ZC3H13: variants seen among roughly 807,000 people sequenced by gnomAD.
The protein encoded by ZC3H13 is zinc finger CCCH-type containing 13.
ZC3H13 carries 64 observed loss-of-function variants against 204.1 expected under a neutral mutation model. That is an observed-to-expected ratio of 0.31 (90% CI 0.26 to 0.39). The LOEUF (loss-of-function observed/expected upper bound fraction) is 0.39, where lower values mean the gene tolerates loss of function less well. Among genes scored for constraint, ZC3H13 ranks in the 10% least tolerant of loss-of-function variants. The pLI, the probability that ZC3H13 is intolerant of heterozygous loss-of-function variation, is 1.00. For synonymous variants in ZC3H13, 667 were observed against 693.7 expected (o/e 0.96, Z 0.60); for missense variants, 1,833 against 2,082.7 (o/e 0.88, Z 2.33).
intron 1 of ZC3H13, 74 bp from the exon 2 acceptor site, chr13:46,045,590 T>C (rs1008800850): frequency 4.4e-5 from 43 of 971,894 alleles, no homozygotes; most frequent in South Asian, 3.2e-4. Context: ...AGCTTACAAG[T>C]AGATAAAACT....
At chr13:46,030,072 A>G (rs2042796666) in intron 4 of ZC3H13, among the ~76,000 whole-genome samples, 1 of 152,220 alleles carries the variant, frequency 6.6e-6, no homozygotes, top group South Asian at 2.1e-4. Context: ...GGCTGGTTCA[A>G]TATTCAAAAA....
chr13:45,998,374 G>A (rs933767561), intron 8 of ZC3H13, among the ~76,000 whole-genome samples: 1 of 152,044 alleles, frequency 6.6e-6, no homozygotes, highest in African/African-American at 2.4e-5. Context: ...GGCCGGGCGC[G>A]GTGGCTCACA....
chr13:46,007,940 T>C (rs2041267645), intron 7 of ZC3H13, among the ~76,000 whole-genome samples: 1 of 152,190 alleles, frequency 6.6e-6, no homozygotes, highest in Non-Finnish European at 1.5e-5. Context: ...ATGGACAGAA[T>C]AGGTAATATA....
intron 11 of ZC3H13, among the ~76,000 whole-genome samples, chr13:45,976,449 T>C (rs1953055477): frequency 1.3e-5 from 2 of 152,204 alleles, no homozygotes; most frequent in Admixed American, 6.5e-5. Flanking sequence ...AATCTTGAAA[T>C]AAATGTAAAA....
chr13:46,034,747 A>C (rs1253584162), intron 4 of ZC3H13, among the ~76,000 whole-genome samples: 1 of 152,146 alleles, frequency 6.6e-6, no homozygotes, highest in Admixed American at 6.6e-5. Context: ...TATTTCAATA[A>C]AGTAAATTTA....
intron 4 of ZC3H13, among the ~76,000 whole-genome samples, chr13:46,025,349 C>T (rs2042479302): frequency 6.6e-6 from 1 of 152,176 alleles, no homozygotes; most frequent in African/African-American, 2.4e-5. Flanking sequence ...TTCTATGATC[C>T]AGGCTGAAGA....
intron 9 of ZC3H13, among the ~76,000 whole-genome samples, chr13:45,986,242 T>G (rs1045137392): frequency 1.3e-5 from 2 of 152,240 alleles, no homozygotes; most frequent in African/African-American, 4.8e-5. Context: ...TCTCTTTTCC[T>G]GCACTGTTTA....
At chr13:46,035,548 G>A (rs2043159301) in intron 4 of ZC3H13, among the ~76,000 whole-genome samples, 1 of 152,090 alleles carries the variant, frequency 6.6e-6, no homozygotes, top group South Asian at 2.1e-4. Flanking sequence ...ATTTCCACCA[G>A]GTGGTAGATA....
intron 4 of ZC3H13, among the ~76,000 whole-genome samples, chr13:46,033,388 A>G (rs1413116491): frequency 1.3e-5 from 2 of 152,148 alleles, no homozygotes; most frequent in Non-Finnish European, 2.9e-5. Flanking sequence ...AGTTGAGCTC[A>G]GTATAACACT....
At chr13:46,033,211 G>A (rs553622054) in intron 4 of ZC3H13, among the ~76,000 whole-genome samples, 6 of 152,162 alleles carry the variant, frequency 3.9e-5, no homozygotes, top group African/African-American at 1.4e-4. Flanking sequence ...GTAATTATCT[G>A]ATTATTTCAG....
chr13:46,020,701 A>G (rs1275653129), intron 4 of ZC3H13, 144 bp from the exon 5 acceptor site: 1 of 585,100 alleles, frequency 1.7e-6, no homozygotes, highest in Non-Finnish European at 2.9e-6. Flanking sequence ...TCCACTAAGT[A>G]GAGAAAGTGA....
At chr13:46,047,510 T>C (rs2044053197) in intron 1 of ZC3H13, among the ~76,000 whole-genome samples, 1 of 152,208 alleles carries the variant, frequency 6.6e-6, no homozygotes, top group Non-Finnish European at 1.5e-5. Flanking sequence ...ATCTTTGATT[T>C]AATTTTTCTT....
At chr13:45,965,140 T>C (rs1329096402) in intron 16 of ZC3H13, 140 bp downstream of exon 16, 4 of 1,031,444 alleles carry the variant, frequency 3.9e-6, no homozygotes, top group Admixed American at 2.8e-5. Context: ...TTTCATTTTA[T>C]TGGCCTTTCA....
chr13:45,969,969 C>A lies in ZC3H13; in HGVS notation c.2575G>T (p.Glu859Ter). 6.2e-7 allele frequency: 1 copy of A among 1,603,548 alleles called. No individual in the cohort carries two copies. Residue 859 changes from glutamate to a stop codon, truncating the protein, a stop_gained and splice_region_variant, in exon 14 of 19, where the codon GAA (glutamate) becomes TAA (stop). Coordinates refer to ENST00000679008, the MANE Select transcript of ZC3H13 (RefSeq NM_001330564.2). LOFTEE classifies it high-confidence loss of function. Reference sequence around the variant, plus strand: ...ACTTGGCTCAAGAGTCTGTGTTTTTCATCTATATAAAAGATAAAAGCAATC... The same window carrying A: ...ACTTGGCTCAAGAGTCTGTGTTTTTAATCTATATAAAAGATAAAAGCAATC... Reference protein sequence around the residue: ...DAYNSGDDKNEKHRLLSQVVR... With the variant: ...DAYNSGDDKN
intron 9 of ZC3H13, among the ~76,000 whole-genome samples, chr13:45,987,660 T>C (rs2039644283): frequency 6.6e-6 from 1 of 152,132 alleles, no homozygotes; most frequent in Admixed American, 6.5e-5. Context: ...GCATTGTTGA[T>C]AGGAAGAGAA....
At chr13:46,008,326 A>G (rs1244821835) in intron 7 of ZC3H13, among the ~76,000 whole-genome samples, 1 of 152,074 alleles carries the variant, frequency 6.6e-6, no homozygotes, top group Admixed American at 6.6e-5. Flanking sequence ...CTCCAAAAAA[A>G]AAAAAAGAAA....
chr13:45,984,038 C>T (rs373277695), intron 10 of ZC3H13, among the ~76,000 whole-genome samples: 4 of 152,114 alleles, frequency 2.6e-5, no homozygotes, highest in African/African-American at 2.4e-5. Context: ...AACCAAAATA[C>T]CCAGTAATGC....
intron 13 of ZC3H13, among the ~76,000 whole-genome samples, 177 bp downstream of exon 13, chr13:45,970,185 G>C (rs1420556856): frequency 1.3e-5 from 2 of 152,102 alleles, no homozygotes; most frequent in Non-Finnish European, 2.9e-5. Flanking sequence ...ACTATAAATA[G>C]TAGAAAATGA....
intron 4 of ZC3H13, among the ~76,000 whole-genome samples, 190 bp downstream of exon 4, chr13:46,041,974 T>C (rs936146883): frequency 4.6e-5 from 7 of 152,006 alleles, no homozygotes; most frequent in Non-Finnish European, 8.8e-5. Flanking sequence ...TCATCTTAAC[T>C]ACCATAAAGA....
Sources: gnomAD v4.1 joint callset for allele counts (sites outside exome capture counted in the v4.1 genomes callset) on GRCh38, gnomAD v4.1.1 for gene constraint, MANE v1.5 for transcripts, NCBI Gene and HGNC (gene_info 2026-07-23, HGNC 2026-07-21) for gene names.